Variants in FYB1 observed in about 807,000 individuals in gnomAD.
The protein encoded by FYB1 is FYN binding protein 1.
Under a neutral mutation model 94.1 loss-of-function variants are expected in FYB1, and 41 were observed. That is an observed-to-expected ratio of 0.44 (90% CI 0.34 to 0.57). The LOEUF (loss-of-function observed/expected upper bound fraction) is 0.57. Ranked by LOEUF, FYB1 falls within the 20% of genes least tolerant of loss-of-function variation. FYB1 has a pLI of 0.02. For synonymous variants in FYB1, 367 were observed against 353.2 expected, an observed-to-expected ratio of 1.04 and a Z score of -0.44; for missense variants, 1,050 against 976.8, an observed-to-expected ratio of 1.07 and a Z score of -1.00.
chr5:39,220,629 A>G (rs954164989), upstream of FYB1, among the ~76,000 whole-genome samples: 1 of 152,202 alleles, frequency 6.6e-6, no homozygotes, highest in African/African-American at 2.4e-5. Flanking sequence ...ATTCATTCAT[A>G]AACATCAAAC....
chr5:39,132,586 G>C (rs939234180), intron 9 of FYB1, among the ~76,000 whole-genome samples: 1 of 152,110 alleles, frequency 6.6e-6, no homozygotes, highest in African/African-American at 2.4e-5. Context: ...TTTTAGAGTC[G>C]TGGTATGTAT....
chr5:39,121,911 A>G (rs1740149836), intron 14 of FYB1, among the ~76,000 whole-genome samples: 1 of 152,150 alleles, frequency 6.6e-6, no homozygotes, highest in Non-Finnish European at 1.5e-5. Context: ...GTAAGCTAAG[A>G]AGTATATTCA....
At chr5:39,122,658 T>G (rs539211010) in intron 13 of FYB1, among the ~76,000 whole-genome samples, 1 of 152,214 alleles carries the variant, frequency 6.6e-6, no homozygotes, top group Admixed American at 6.6e-5. Context: ...AAAAAACTCA[T>G]GGAACAGTGA....
chr5:39,211,779 C>A (rs1487114154), intron 1 of FYB1, among the ~76,000 whole-genome samples: 1 of 152,250 alleles, frequency 6.6e-6, no homozygotes, highest in Admixed American at 6.5e-5. Context: ...GTGTCACTCC[C>A]AACAAACACG....
rs927685472 is a variant in FYB1 at position 39,130,842 on chromosome 5, A to G, written c.1818-230T>C. Among the ~76,000 whole-genome samples, 27 of 152,130 alleles carry G rather than the reference A, an allele frequency of 1.8e-4. 1 individual carries two copies. The highest frequency in any genetic ancestry group is 3.2e-3 in the Middle Eastern group (1 of 316). On this transcript the variant is annotated intron_variant, in intron 9 of 18. Transcript: ENST00000512982. Reference sequence around the variant, plus strand: ...ACAAGAATTAAGTTAATTATGCACTATATATGATATAGAAAATGATGATAT... The same window carrying G: ...ACAAGAATTAAGTTAATTATGCACTGTATATGATATAGAAAATGATGATAT...
intron 2 of FYB1, among the ~76,000 whole-genome samples, chr5:39,199,603 A>G (rs937490629): frequency 3.3e-5 from 5 of 152,194 alleles, no homozygotes; most frequent in East Asian, 1.9e-4. Context: ...AAATACAAGG[A>G]TCAGAGCATT....
At chr5:39,250,761 C>T (rs1254870982) in intron 1 of FYB1, 1 of 152,162 alleles carries the variant, frequency 6.6e-6, no homozygotes, top group East Asian at 1.9e-4. Flanking sequence ...CTGGAAACTT[C>T]TGGTGTGAGC....
chr5:39,145,694 C>T (rs966171835), intron 3 of FYB1, among the ~76,000 whole-genome samples: 1 of 152,058 alleles, frequency 6.6e-6, no homozygotes, highest in Non-Finnish European at 1.5e-5. Context: ...CTTTTTATGG[C>T]ATACAAGGTT....
intron 2 of FYB1, among the ~76,000 whole-genome samples, chr5:39,181,397 T>A (rs1295121879): frequency 6.6e-6 from 1 of 151,956 alleles, no homozygotes; most frequent in Non-Finnish European, 1.5e-5. Context: ...TTAATTTAAT[T>A]TAAACATCCA....
intron 1 of FYB1, among the ~76,000 whole-genome samples, chr5:39,236,208 G>A (rs757631137): frequency 1.2e-4 from 18 of 152,010 alleles, no homozygotes; most frequent in Non-Finnish European, 1.6e-4. Context: ...TTGCTTTGAA[G>A]TTAAGGATAA....
rs370947849 is a variant in FYB1 at position 39,265,022 on chromosome 5, C to CATCTGAGAA, written c.-28+9372_-28+9380dup. 4.4e-3 allele frequency among the ~76,000 whole-genome samples: 668 copies of CATCTGAGAA among 152,324 alleles called. 10 individuals are homozygous for CATCTGAGAA. Among genetic ancestry groups the CATCTGAGAA allele is most frequent in the African/African-American group, 0.015 (640 of 41,572 alleles). ...GGCCCTGGACCAGCAGCGTCAGCCT[C>CATCTGAGAA]ATCTGAGAACTTATTAGAAATGCAC... On this transcript the variant is annotated intron_variant, in intron 1 of 1. Transcript: ENST00000510188.
At chr5:39,128,269 T>A (rs760242819) in intron 10 of FYB1, among the ~76,000 whole-genome samples, 8 of 152,160 alleles carry the variant, frequency 5.3e-5, no homozygotes, top group Non-Finnish European at 1.0e-4. Flanking sequence ...AAGTGACTTT[T>A]AAAATACATA....
intron 1 of FYB1, among the ~76,000 whole-genome samples, chr5:39,229,073 G>C (rs1313243459): frequency 3.3e-5 from 5 of 152,040 alleles, no homozygotes; most frequent in Admixed American, 6.6e-5. Flanking sequence ...CTAGGACTGG[G>C]GTCTGTCCTG....
rs1561131893 is a variant in FYB1 at position 39,119,595 on chromosome 5, C to A, written c.2178G>T (p.Lys726Asn). 4 of 1,549,042 alleles carry A rather than the reference C, an allele frequency of 2.6e-6. No homozygotes were observed. The highest frequency in any genetic ancestry group is 2.6e-6 in the Non-Finnish European group (3 of 1,145,908). The part of the protein sequence containing the change: ...TNVGKAKTEE[K>N]DLKKLKKQEK... ...CCTGCTTTTTTAGCTTCTTAAGGTCCTTTTCTTCTGTCTTAGCTTTTCCAA... is the reference window on the plus strand; with the variant it reads ...CCTGCTTTTTTAGCTTCTTAAGGTCATTTTCTTCTGTCTTAGCTTTTCCAA... The change falls in exon 15 of 19, where the codon AAG becomes AAT. Residue 726 changes from lysine to asparagine, a missense_variant. Transcript: ENST00000512982.
chr5:39,198,617 T>C (rs1015388250), intron 2 of FYB1, among the ~76,000 whole-genome samples: 23 of 152,122 alleles, frequency 1.5e-4, no homozygotes, highest in Non-Finnish European at 2.5e-4. Flanking sequence ...CAGTATTCAA[T>C]AAATTACATG....
At chr5:39,158,283 G>A (rs754075389) in intron 2 of FYB1, among the ~76,000 whole-genome samples, 2 of 152,194 alleles carry the variant, frequency 1.3e-5, no homozygotes, top group Non-Finnish European at 2.9e-5. Flanking sequence ...TGGAATGGGC[G>A]GAGCACCGGG....
intron 2 of FYB1, among the ~76,000 whole-genome samples, chr5:39,163,081 C>A (rs1157571701): frequency 1.3e-5 from 2 of 152,140 alleles, no homozygotes; most frequent in Non-Finnish European, 2.9e-5. Context: ...TAAAAATTTT[C>A]AATCCTCGGC....
chr5:39,207,004 C>T lies in FYB1; in HGVS notation c.-27-4017G>A, dbSNP rs117860794. Among the ~76,000 whole-genome samples, 516 of 152,158 alleles carry T rather than the reference C, an allele frequency of 3.4e-3. 7 individuals are homozygous for T. In the East Asian group the frequency reaches 0.036, roughly 11 times the overall value. On this transcript the variant is annotated intron_variant, in intron 1 of 18. Transcript: ENST00000512982. ...TTGTTAGATATTTTCAATATTAACCCTACTTTTTTCCCTTGCTAGTTGGAT... is the reference window on the plus strand; with the variant it reads ...TTGTTAGATATTTTCAATATTAACCTTACTTTTTTCCCTTGCTAGTTGGAT...
chr5:39,122,541 G>T, intron 13 of FYB1, 139 bp from the exon 14 acceptor site: 1 of 555,526 alleles, frequency 1.8e-6, no homozygotes, highest in South Asian at 2.5e-5. Flanking sequence ...AATTTCTCCT[G>T]GAAGCATTGT....
Sources: allele counts gnomAD v4.1 joint callset (sites outside exome capture counted in the v4.1 genomes callset), GRCh38; gene constraint gnomAD v4.1.1; transcripts MANE v1.5; gene names NCBI Gene and HGNC (gene_info 2026-07-23, HGNC 2026-07-21).